The following KCNQ1OT1 variants were observed in gnomAD, a reference collection of about 807,000 sequenced individuals.
KCNQ1OT1 encodes KCNQ1 antisense RNA 2 (non-protein coding).
chr11:2,650,828 T>A (rs2133842539), exon 1 of KCNQ1OT1: 2 of 398,694 alleles, frequency 5.0e-6, no homozygotes, highest in Non-Finnish European at 8.8e-6. Context: ...TTGCACTTAC[T>A]GATTTTATGC....
At chr11:2,694,389 G>A (rs1850638729) in exon 1 of KCNQ1OT1, 3 of 398,532 alleles carry the variant, frequency 7.5e-6, no homozygotes. Flanking sequence ...GACTATGGGA[G>A]AATTACTAAT....
At chr11:2,675,760 C>T (rs1199442958) in exon 1 of KCNQ1OT1, 5 of 398,604 alleles carry the variant, frequency 1.3e-5, no homozygotes, top group African/African-American at 1.0e-4. Context: ...CAGAGACTCA[C>T]AGCACTGTGT....
At chr11:2,656,550 C>T (rs1156623785) in exon 1 of KCNQ1OT1, 5 of 398,580 alleles carry the variant, frequency 1.3e-5, no homozygotes, top group Non-Finnish European at 2.2e-5. Context: ...CAACACCTTT[C>T]CACATGCTCA....
In KCNQ1OT1 at chr11:2,691,532, G is replaced by T. The variant is rs749551427; in HGVS notation, n.8463C>A. 1 of 398,436 alleles carries T rather than the reference G, an allele frequency of 2.5e-6. No homozygotes were observed. The highest frequency in any genetic ancestry group is 2.1e-5 in the African/African-American group (1 of 48,582). The allele number at this position is 398,436 out of a possible 1,614,324, so 24.7% of individuals were successfully genotyped here. Reference sequence around the variant, plus strand: ...GCTTGCTTGGCTTTGCATTAAAGTTGGGGGGATTTCTCTATCCTGAGGTTA... The same window carrying T: ...GCTTGCTTGGCTTTGCATTAAAGTTTGGGGGATTTCTCTATCCTGAGGTTA... On this transcript the variant is annotated non_coding_transcript_exon_variant, in exon 1 of 1. Transcript: ENST00000597346. This position sits in a 1 kb window ranked among gnomAD's most constrained non-coding sequence, Gnocchi z 6.4.
At chr11:2,648,981 C>CTTTTTTTTTTTTTTTTTTTTTTTTCTTT in exon 1 of KCNQ1OT1, 1 of 213,306 alleles carries the variant, frequency 4.7e-6, no homozygotes, top group Non-Finnish European at 7.8e-6. Flanking sequence ...TTTTCTTTTT[C>CTTTTTTTTTTTTTTTTTTTTTTTTCTTT]TTTTTTTTTT....
chr11:2,673,844 C>G lies in KCNQ1OT1; in HGVS notation n.26151G>C, dbSNP rs1850234621. 1.0e-5 allele frequency: 4 copies of G among 398,548 alleles called. No homozygotes were observed. The Admixed American group carries it at 1.8e-4, about 18-fold the overall frequency. 24.7% of individuals were successfully genotyped at this position (398,548 alleles called of 1,614,324 possible). ...CCACAAGCACCACAGCCAGGAGAGTCAAGGTTGGATATGAAGAGGGACTTC... is the reference window on the plus strand; with the variant it reads ...CCACAAGCACCACAGCCAGGAGAGTGAAGGTTGGATATGAAGAGGGACTTC... On this transcript the variant is annotated non_coding_transcript_exon_variant, in exon 1 of 1. Coordinates refer to ENST00000597346, the Ensembl canonical transcript of KCNQ1OT1. The surrounding 1 kb of genome is among the most constrained non-coding windows in gnomAD (Gnocchi z 4.5).
Position 2,645,679 on chromosome 11 carries a change from T to C in KCNQ1OT1, n.54316A>G. On this transcript the variant is annotated non_coding_transcript_exon_variant, in exon 1 of 1. Coordinates refer to ENST00000597346, the Ensembl canonical transcript of KCNQ1OT1. This position sits in a 1 kb window ranked among gnomAD's most constrained non-coding sequence, Gnocchi z 5.8. ...GTAGCAGAGTATTGCCAATGGCTCA[T>C]GCTTTGGCCTGGAGGGAGCAGTCAG... 1 of 398,742 alleles carries C rather than the reference T, an allele frequency of 2.5e-6. No homozygotes were observed. Among genetic ancestry groups the C allele is most frequent in the Non-Finnish European group, 4.4e-6 (1 of 226,166 alleles). 24.7% of individuals were successfully genotyped at this position (398,742 alleles called of 1,614,324 possible).
rs1849814245 is a variant in KCNQ1OT1 at position 2,654,796 on chromosome 11, GA to G, written n.45198del. On this transcript the variant is annotated non_coding_transcript_exon_variant, in exon 1 of 1. Transcript: ENST00000597346. This position sits in a 1 kb window ranked among gnomAD's most constrained non-coding sequence, Gnocchi z 6.4. ...GTGAGACCAGAATTTCTTGGGAACAGAAAGCCTCAAAGACTTTCATGATAGG... is the reference window on the plus strand; with the variant it reads ...GTGAGACCAGAATTTCTTGGGAACAGAAGCCTCAAAGACTTTCATGATAGG... 2.5e-6 allele frequency: 1 copy of G among 398,556 alleles called. No individual in the cohort carries two copies. Among genetic ancestry groups the G allele is most frequent in the African/African-American group, 2.1e-5 (1 of 48,598 alleles). 24.7% of individuals were successfully genotyped at this position (398,556 alleles called of 1,614,324 possible).
At chr11:2,681,521 C>G (rs1488993189) in exon 1 of KCNQ1OT1, 1 of 398,442 alleles carries the variant, frequency 2.5e-6, no homozygotes, top group Non-Finnish European at 4.4e-6. Flanking sequence ...CCAGGTTAAG[C>G]CAGCCCATGA....
At chr11:2,630,334 A>G in exon 1 of KCNQ1OT1, 1 of 398,174 alleles carries the variant, frequency 2.5e-6, no homozygotes, top group Non-Finnish European at 4.4e-6. Flanking sequence ...GAAAATTTTT[A>G]AATGTATAGT....
Position 2,695,875 on chromosome 11 carries a change from C to G in KCNQ1OT1, n.4120G>C, listed in dbSNP as rs767516236. The G allele has an allele frequency of 5.0e-6, 2 of 398,606 alleles. No individual in the cohort carries two copies. The highest frequency in any genetic ancestry group is 8.8e-6 in the Non-Finnish European group (2 of 226,062). The allele number at this position is 398,606 out of a possible 1,614,324, so 24.7% of individuals were successfully genotyped here. On this transcript the variant is annotated non_coding_transcript_exon_variant, in exon 1 of 1. Coordinates refer to ENST00000597346, the Ensembl canonical transcript of KCNQ1OT1. This position sits in a 1 kb window ranked among gnomAD's most constrained non-coding sequence, Gnocchi z 5.2. ...AATTTTCATCTGTTTGTTAACCCTC[C>G]TGCAAACTGGCAATCTTCCTACCTT... is the stretch of plus-strand genomic sequence containing the variant.
rs77453919 is a variant in KCNQ1OT1, at chr11:2,624,329, G to T, written n.75666C>A. 5,151 of 398,446 alleles carry T rather than the reference G, an allele frequency of 0.013. 158 individuals carry two copies. The highest frequency in any genetic ancestry group is 0.081 in the East Asian group (2,282 of 28,040). 24.7% of individuals were successfully genotyped at this position (398,446 alleles called of 1,614,324 possible). On this transcript the variant is annotated non_coding_transcript_exon_variant, in exon 1 of 1. Transcript: ENST00000597346. This position sits in a 1 kb window ranked among gnomAD's most constrained non-coding sequence, Gnocchi z 4.9. ...ATATTTTGGATGAGTCCTTTATCAG[G>T]TATATCTTTTACAAGTATTGTCTCC...
rs1849593683 is a variant in KCNQ1OT1 at position 2,642,418 on chromosome 11, A to AT, written n.57576dup. On this transcript the variant is annotated non_coding_transcript_exon_variant, in exon 1 of 1. Coordinates refer to ENST00000597346, the Ensembl canonical transcript of KCNQ1OT1. The surrounding 1 kb of genome is among the most constrained non-coding windows in gnomAD (Gnocchi z 4.3). ...CTTTCTCAGCTGGTTCTTTATTGGT[A>AT]TATAGAAATAAGCCTGATTTTTAAA... 2.5e-6 allele frequency: 1 copy of AT among 397,870 alleles called. No homozygotes were observed. The highest frequency in any genetic ancestry group is 4.4e-6 in the Non-Finnish European group (1 of 225,726). 24.6% of individuals were successfully genotyped at this position (397,870 alleles called of 1,614,324 possible).
exon 1 of KCNQ1OT1, chr11:2,665,024 G>C: frequency 2.5e-6 from 1 of 398,694 alleles, no homozygotes; most frequent in Non-Finnish European, 4.4e-6. Flanking sequence ...CAGAGGTGGG[G>C]TGGGGGGTGA....
At chr11:2,694,951 A>G in exon 1 of KCNQ1OT1, 1 of 398,736 alleles carries the variant, frequency 2.5e-6, no homozygotes, top group Non-Finnish European at 4.4e-6. Context: ...GGCAGGAGGG[A>G]TACTTGGCAG....
At chr11:2,697,633 A>G in exon 1 of KCNQ1OT1, 2 of 398,568 alleles carry the variant, frequency 5.0e-6, no homozygotes, top group Non-Finnish European at 8.8e-6. Context: ...AGGGAACCAT[A>G]TGGTTTTTCT....
chr11:2,660,377 G>A, exon 1 of KCNQ1OT1: 1 of 398,400 alleles, frequency 2.5e-6, no homozygotes, highest in Non-Finnish European at 4.4e-6. Context: ...CGCTGATGTG[G>A]GAAAACCTTC....
Position 2,688,952 on chromosome 11 carries a change from T to C in KCNQ1OT1, n.11043A>G, listed in dbSNP as rs567783755. ...CTCACAGGCTGTCACCCACTGGGCC[T>C]AGGGCTCTGAGAGTAGGGGTCTGAT... On this transcript the variant is annotated non_coding_transcript_exon_variant, in exon 1 of 1. Coordinates refer to ENST00000597346, the Ensembl canonical transcript of KCNQ1OT1. 440 of 398,820 alleles carry C rather than the reference T, an allele frequency of 1.1e-3. No individual in the cohort carries two copies. Among genetic ancestry groups the C allele is most frequent in the Non-Finnish European group, 1.7e-3 (388 of 226,236 alleles). The allele number at this position is 398,820 out of a possible 1,614,324, so 24.7% of individuals were successfully genotyped here. A position where few individuals can be genotyped will look rare whatever the true frequency, so the allele number is the denominator to read the frequency against.
exon 1 of KCNQ1OT1, chr11:2,666,149 G>A: frequency 5.0e-6 from 2 of 398,728 alleles, no homozygotes; most frequent in Non-Finnish European, 8.8e-6. Flanking sequence ...TGGCATCTTA[G>A]ATGGGCAAGC....
Sources: gnomAD v4.1 joint callset for allele counts on GRCh38, gnomAD v4.1.1 for gene constraint, Gnocchi (gnomAD v3.1) non-coding constraint, MANE v1.5 for transcripts, NCBI Gene and HGNC (gene_info 2026-07-23, HGNC 2026-07-21) for gene names.